Variants in ROBO2 observed in about 807,000 individuals in gnomAD.
ROBO2 encodes the protein roundabout guidance receptor 2.
ROBO2 carries 53 observed loss-of-function variants against 160.8 expected under a neutral mutation model. The ratio of observed to expected loss-of-function variants is 0.33; its 90% confidence interval spans 0.26 to 0.41. ROBO2 has a LOEUF of 0.41. ROBO2 is among the 10% of genes least tolerant of loss of function. ROBO2 has a pLI of 1.00. For synonymous variants in ROBO2, 664 were observed against 611.7 expected, an observed-to-expected ratio of 1.09 and a Z score of -1.26; for missense variants, 1,577 against 1,722.4, an observed-to-expected ratio of 0.92 and a Z score of 1.49.
chr3:76,954,649 T>C (rs531028116), intron 2 of ROBO2, among the ~76,000 whole-genome samples: 1 of 152,280 alleles, frequency 6.6e-6, no homozygotes, highest in East Asian at 1.9e-4. Flanking sequence ...ATTGTATGAA[T>C]AAGCTAACTA....
intron 2 of ROBO2, among the ~76,000 whole-genome samples, chr3:77,236,237 A>G (rs1287977645): frequency 6.6e-6 from 1 of 152,252 alleles, no homozygotes; most frequent in Non-Finnish European, 1.5e-5. Flanking sequence ...TATTATCTAG[A>G]GACCTGGAAT....
intron 2 of ROBO2, among the ~76,000 whole-genome samples, chr3:76,083,562 G>A (rs1312587651): frequency 1.3e-5 from 2 of 152,074 alleles, no homozygotes; most frequent in Non-Finnish European, 2.9e-5. Context: ...TTTAAGTGTA[G>A]AAACTTACTA....
intron 1 of ROBO2, among the ~76,000 whole-genome samples, chr3:75,919,434 T>C (rs1946937936): frequency 6.6e-6 from 1 of 152,208 alleles, no homozygotes; most frequent in Non-Finnish European, 1.5e-5. Context: ...CTGGATTCGC[T>C]TGCCAGTATT....
chr3:77,196,613 C>T (rs1440407307), intron 2 of ROBO2, among the ~76,000 whole-genome samples: 1 of 151,766 alleles, frequency 6.6e-6, no homozygotes, highest in Admixed American at 6.6e-5. Context: ...TACATTGTGG[C>T]AGTTCAAGGG....
intron 2 of ROBO2, among the ~76,000 whole-genome samples, chr3:76,343,460 T>G (rs529932766): frequency 8.5e-5 from 13 of 152,142 alleles, no homozygotes; most frequent in African/African-American, 3.1e-4. Context: ...GAAGTCCTTC[T>G]AGAATGAAGT....
chr3:77,504,730 A>C (rs2153611006), intron 5 of ROBO2, among the ~76,000 whole-genome samples: 1 of 152,326 alleles, frequency 6.6e-6, no homozygotes, highest in Admixed American at 6.5e-5. Context: ...TTCTGTGTTG[A>C]TATTTCAAGG....
intron 2 of ROBO2, among the ~76,000 whole-genome samples, chr3:77,145,478 A>G (rs566671580): frequency 6.6e-6 from 1 of 152,344 alleles, no homozygotes; most frequent in South Asian, 2.1e-4. Context: ...AGTTCTAAAT[A>G]GCTTTATACA....
intron 2 of ROBO2, among the ~76,000 whole-genome samples, chr3:77,386,222 A>G (rs142491955): frequency 6.0e-4 from 92 of 152,328 alleles, no homozygotes; most frequent in African/African-American, 2.0e-3. Flanking sequence ...AAAAAGTTCA[A>G]TAACTTTCCT....
chr3:77,369,409 C>A (rs2071418474), intron 2 of ROBO2, among the ~76,000 whole-genome samples: 1 of 152,148 alleles, frequency 6.6e-6, no homozygotes, highest in Non-Finnish European at 1.5e-5. Context: ...GAGCTGCAGC[C>A]AGAGGCAGTG....
intron 2 of ROBO2, among the ~76,000 whole-genome samples, chr3:76,603,175 C>CA (rs1020740161): frequency 1.3e-5 from 2 of 150,206 alleles, no homozygotes; most frequent in Non-Finnish European, 3.0e-5. Flanking sequence ...ACTAAAAATA[C>CA]AAAAAAATTA....
At chr3:77,081,111 A>T (rs918325576) in intron 1 of ROBO2, among the ~76,000 whole-genome samples, 2 of 152,168 alleles carry the variant, frequency 1.3e-5, no homozygotes, top group African/African-American at 4.8e-5. Context: ...GATTATGGAA[A>T]ATTACAGGTT....
At chr3:76,049,113 A>C (rs1451641583) in intron 2 of ROBO2, among the ~76,000 whole-genome samples, 1 of 152,110 alleles carries the variant, frequency 6.6e-6, no homozygotes, top group Non-Finnish European at 1.5e-5. Context: ...GGACCCTAAG[A>C]GTTTTGGCAA....
At chr3:75,940,948 T>C (rs2107068257) in intron 2 of ROBO2, among the ~76,000 whole-genome samples, 1 of 152,220 alleles carries the variant, frequency 6.6e-6, no homozygotes, top group South Asian at 2.1e-4. Context: ...AACTTATTTC[T>C]AACTCAGCAA....
intron 2 of ROBO2, among the ~76,000 whole-genome samples, chr3:76,480,913 T>C (rs1208210575): frequency 6.6e-6 from 1 of 152,190 alleles, no homozygotes; most frequent in Non-Finnish European, 1.5e-5. Context: ...CTTACAACTT[T>C]TCAATTTTTG....
intron 2 of ROBO2, among the ~76,000 whole-genome samples, chr3:76,788,069 CA>C (rs1180163559): frequency 1.3e-5 from 2 of 151,036 alleles, no homozygotes; most frequent in Non-Finnish European, 3.0e-5. Context: ...TCAACCTTCC[CA>C]TCATATTTCC....
At chr3:76,861,428 T>A (rs1414510009) in intron 2 of ROBO2, among the ~76,000 whole-genome samples, 2 of 152,172 alleles carry the variant, frequency 1.3e-5, no homozygotes, top group African/African-American at 2.4e-5. Context: ...CTAATGCTAC[T>A]ATTTTTGCTG....
intron 2 of ROBO2, among the ~76,000 whole-genome samples, chr3:76,458,602 T>A (rs2077911293): frequency 6.6e-6 from 1 of 152,200 alleles, no homozygotes; most frequent in Non-Finnish European, 1.5e-5. Flanking sequence ...GACCCCACTC[T>A]ACTGATACCA....
At chr3:76,532,630 C>T (rs9309741) in intron 2 of ROBO2, among the ~76,000 whole-genome samples, 6,895 of 152,152 alleles carry the variant, frequency 0.045, 582 homozygotes, top group African/African-American at 0.16. Context: ...ATTAGGCAAC[C>T]GTTCTAGCAA....
chr3:77,086,725 A>G lies in ROBO2; in HGVS notation c.62-11289A>G, dbSNP rs375238243. 1.6e-4 allele frequency among the ~76,000 whole-genome samples: 25 copies of G among 152,282 alleles called. 1 individual carries two copies. Among genetic ancestry groups the G allele is most frequent in the Middle Eastern group, 3.4e-3 (1 of 294 alleles). ...CAGTCATTGTGTGCATCCCTTGGAC[A>G]TGATGCAACTAACGCGTTTGGCTCA... is the stretch of plus-strand genomic sequence containing the variant. On this transcript the variant is annotated intron_variant, in intron 1 of 25. Transcript: ENST00000461745.
Sources: gnomAD v4.1 joint callset for allele counts (sites outside exome capture counted in the v4.1 genomes callset) on GRCh38, gnomAD v4.1.1 for gene constraint, MANE v1.5 for transcripts, NCBI Gene and HGNC (gene_info 2026-07-23, HGNC 2026-07-21) for gene names.